Variants in TOP1 observed in about 807,000 individuals in gnomAD.
TOP1 encodes DNA topoisomerase I.
TOP1 carries 10 observed loss-of-function variants against 111.1 expected under a neutral mutation model. The ratio of observed to expected loss-of-function variants is 0.09; its 90% CI spans 0.06 to 0.15. The LOEUF (loss-of-function observed/expected upper bound fraction) is 0.15. TOP1 is among the 10% of genes least tolerant of loss of function. TOP1 has a pLI of 1.00. For synonymous variants in TOP1, 271 were observed against 302.9 expected (o/e 0.89, Z 1.10); for missense variants, 474 against 926.7 (o/e 0.51, Z 6.34).
intron 13 of TOP1, among the ~76,000 whole-genome samples, chr20:41,108,254 C>G (rs968134977): frequency 6.6e-6 from 1 of 152,164 alleles, no homozygotes; most frequent in Non-Finnish European, 1.5e-5. Flanking sequence ...ATTTTACTTA[C>G]TTAATTCCCT....
At position 41,115,326 on chromosome 20, in the gene TOP1, G is replaced by A; in HGVS notation, c.1639-45G>A. On this transcript the variant is annotated intron_variant, in intron 15 of 20. Transcript: ENST00000361337. The surrounding 1 kb of genome is among the most constrained non-coding windows in gnomAD (Gnocchi z 6.3). The stretch of plus-strand genomic sequence containing the variant: ...AGTTTGGGGTTATTTCTAAAGTTAG[G>A]ATTTTTTTCAAGAGTAATAATTAGG... 2 of 1,416,436 alleles carry A rather than the reference G, an allele frequency of 1.4e-6. No individual in the cohort carries two copies. Among genetic ancestry groups the A allele is most frequent in the Non-Finnish European group, 2.0e-6 (2 of 1,007,566 alleles). The allele number at this position is 1,416,436 out of a possible 1,614,324, so 87.7% of individuals were successfully genotyped here.
chr20:41,101,537 A>G lies in TOP1; in HGVS notation c.1308+184A>G, dbSNP rs186106948. Among the ~76,000 whole-genome samples, 53 of 152,354 alleles carry G rather than the reference A, an allele frequency of 3.5e-4. No individual in the cohort carries two copies. The highest frequency in any genetic ancestry group is 4.4e-5 in the Non-Finnish European group (3 of 68,036). On this transcript the variant is annotated intron_variant, in intron 13 of 20. Coordinates refer to ENST00000361337, the MANE Select transcript of TOP1 (RefSeq NM_003286.4). This position sits in a 1 kb window ranked among gnomAD's most constrained non-coding sequence, Gnocchi z 4.1. ...CTACAGTGCCTCCATTTTTTTGGTC[A>G]CATTGTAATCTTATTTATTAATTCA... is the stretch of plus-strand genomic sequence containing the variant.
intron 8 of TOP1, among the ~76,000 whole-genome samples, chr20:41,091,889 C>T (rs1370846801): frequency 2.0e-5 from 3 of 152,034 alleles, no homozygotes; most frequent in African/African-American, 7.2e-5. Flanking sequence ...TATGTTCGAC[C>T]ATTTTAAAAA....
Position 41,092,108 on chromosome 20 carries a change from TACAA to T in TOP1, c.615-359_615-356del, listed in dbSNP as rs1322264648. Among the ~76,000 whole-genome samples the T allele has an allele frequency of 3.3e-5, 5 of 152,300 alleles. No individual in the cohort carries two copies. The highest frequency in any genetic ancestry group is 2.1e-4 in the South Asian group (1 of 4,832). Reference sequence around the variant, plus strand: ...CACCACTCTGAGGAGGCCTTTTCCTTACAAACAATGTAAACAATCCCTCTGTCAT... The same window carrying T: ...CACCACTCTGAGGAGGCCTTTTCCTTACAATGTAAACAATCCCTCTGTCAT... On this transcript the variant is annotated intron_variant, in intron 8 of 20. Coordinates refer to ENST00000361337, the MANE Select transcript of TOP1 (RefSeq NM_003286.4). The surrounding 1 kb of genome is among the most constrained non-coding windows in gnomAD (Gnocchi z 4.3).
At chr20:41,075,480 C>G (rs2033716307) in intron 3 of TOP1, among the ~76,000 whole-genome samples, 1 of 152,198 alleles carries the variant, frequency 6.6e-6, no homozygotes, top group Non-Finnish European at 1.5e-5. Flanking sequence ...CCAAAATAAA[C>G]ATCTTTATAT....
At chr20:41,073,234 A>C (rs1056737421) in intron 3 of TOP1, 1 of 985,258 alleles carries the variant, frequency 1.0e-6, no homozygotes, top group African/African-American at 1.7e-5. Context: ...CCAGTTTTCT[A>C]GTGAAAATGG....
At position 41,094,837 on chromosome 20, in the gene TOP1, G is replaced by T. The variant is rs780927211; in HGVS notation, c.730+2250G>T. Among the ~76,000 whole-genome samples the T allele has an allele frequency of 3.9e-5, 6 of 151,922 alleles. No individual in the cohort carries two copies. Among genetic ancestry groups the T allele is most frequent in the African/African-American group, 9.7e-5 (4 of 41,380 alleles). On this transcript the variant is annotated intron_variant, in intron 9 of 20. Coordinates refer to ENST00000361337, the MANE Select transcript of TOP1 (RefSeq NM_003286.4). The surrounding 1 kb of genome is among the most constrained non-coding windows in gnomAD (Gnocchi z 4.4). ...CTGAGGACCTTCAGTTTACAGCTTT[G>T]ATTCAGCAGTTTCCTTTTCCTGGAG...
At chr20:41,057,568 A>C (rs1478025015) in intron 2 of TOP1, among the ~76,000 whole-genome samples, 2 of 152,206 alleles carry the variant, frequency 1.3e-5, no homozygotes, top group Non-Finnish European at 2.9e-5. Context: ...ATTTTTTACT[A>C]TAAAAGTAAT....
Position 41,115,919 on chromosome 20 carries a change from C to T in TOP1, c.1708-359C>T, listed in dbSNP as rs1478656386. Among the ~76,000 whole-genome samples, 1 of 152,088 alleles carries T rather than the reference C, an allele frequency of 6.6e-6. No individual in the cohort carries two copies. The highest frequency in any genetic ancestry group is 2.4e-5 in the African/African-American group (1 of 41,398). ...TTTGAGACCAGCCTGGGCAACATGG[C>T]AAAACCATTATCCAGGTGTGGTAGT... On this transcript the variant is annotated intron_variant, in intron 16 of 20. Coordinates refer to ENST00000361337, the MANE Select transcript of TOP1 (RefSeq NM_003286.4). This position sits in a 1 kb window ranked among gnomAD's most constrained non-coding sequence, Gnocchi z 6.3.
In TOP1 at chr20:41,115,568, ACT is replaced by A. The variant is rs2034315900; in HGVS notation, c.1707+136_1707+137del. ...TGGCCTGCTCTGTGGCATCCCATAC[ACT>A]CTCTCTTCCTCCCTCTGAGTCCACG... On this transcript the variant is annotated intron_variant, in intron 16 of 20. Transcript: ENST00000361337. This position sits in a 1 kb window ranked among gnomAD's most constrained non-coding sequence, Gnocchi z 6.3. 3.1e-6 allele frequency: 2 copies of A among 649,028 alleles called. No homozygotes were observed. The highest frequency in any genetic ancestry group is 1.8e-5 in the South Asian group (1 of 56,382). 40.2% of individuals were successfully genotyped at this position (649,028 alleles called of 1,614,324 possible).
intron 3 of TOP1, chr20:41,073,536 T>C: frequency 1.1e-6 from 1 of 929,032 alleles, no homozygotes; most frequent in African/African-American, 1.8e-5. Flanking sequence ...ACCATGGCTG[T>C]TTCTTAACAC....
intron 8 of TOP1, among the ~76,000 whole-genome samples, chr20:41,087,593 T>C (rs188779804): frequency 1.3e-5 from 2 of 152,356 alleles, no homozygotes; most frequent in East Asian, 1.9e-4. Flanking sequence ...ATGATAGTGG[T>C]AAGAAATTTA....
chr20:41,040,620 T>A (rs2033250610), intron 2 of TOP1, among the ~76,000 whole-genome samples: 1 of 151,918 alleles, frequency 6.6e-6, no homozygotes, highest in Admixed American at 6.5e-5. Flanking sequence ...AATTTGATTT[T>A]TAAAAAAAAC....
chr20:41,052,280 G>A (rs2033415293), intron 2 of TOP1, among the ~76,000 whole-genome samples: 3 of 152,194 alleles, frequency 2.0e-5, no homozygotes, highest in Non-Finnish European at 4.4e-5. Context: ...GGGGACCTCT[G>A]TGCTGCTCTG....
rs774442393 is a variant in TOP1 at position 41,081,211 on chromosome 20, GAGA to G, written c.483_485del (p.Lys162del). ...AATTAAAACAGAAGATACCAAGAAG[GAGA>G]AGAAAAGAAAACTAGAAGAAGAAGA... is the stretch of plus-strand genomic sequence containing the variant. On this transcript the variant is annotated inframe_deletion, in exon 7 of 21. Transcript: ENST00000361337. 1 of 1,603,348 alleles carries G rather than the reference GAGA, an allele frequency of 6.2e-7. No homozygotes were observed. Among genetic ancestry groups the G allele is most frequent in the Non-Finnish European group, 8.5e-7 (1 of 1,172,574 alleles).
chr20:41,075,664 T>TAAC (rs752209382), intron 3 of TOP1, among the ~76,000 whole-genome samples: 2 of 152,204 alleles, frequency 1.3e-5, no homozygotes, highest in Non-Finnish European at 2.9e-5. Flanking sequence ...AGGAAAGGGC[T>TAAC]AACGTAAGTC....
intron 17 of TOP1, among the ~76,000 whole-genome samples, chr20:41,117,720 C>T (rs1432393967): frequency 6.6e-6 from 1 of 151,962 alleles, no homozygotes; most frequent in East Asian, 1.9e-4. Context: ...TTCAATTCCT[C>T]GTTCTGTTCT....
Position 41,092,081 on chromosome 20 carries a change from G to A in TOP1, c.615-391G>A, listed in dbSNP as rs558328520. ...TTTTCTCCTCTACCTTCCATCTGACGTCACCACTCTGAGGAGGCCTTTTCC... is the reference window on the plus strand; with the variant it reads ...TTTTCTCCTCTACCTTCCATCTGACATCACCACTCTGAGGAGGCCTTTTCC... On this transcript the variant is annotated intron_variant, in intron 8 of 20. Transcript: ENST00000361337. This position sits in a 1 kb window ranked among gnomAD's most constrained non-coding sequence, Gnocchi z 4.3. 6.6e-6 allele frequency among the ~76,000 whole-genome samples: 1 copy of A among 152,050 alleles called. No homozygotes were observed. Among genetic ancestry groups the A allele is most frequent in the East Asian group, 1.9e-4 (1 of 5,176 alleles).
In TOP1 at chr20:41,103,806, C is replaced by T. The variant is rs142045234; in HGVS notation, c.1308+2453C>T. ...TTTCTCTATTAGAAACACCCATTCT[C>T]CTATTCTTTCCAGGGATACAATCCT... On this transcript the variant is annotated intron_variant, in intron 13 of 20. Coordinates refer to ENST00000361337, the MANE Select transcript of TOP1 (RefSeq NM_003286.4). 2.6e-5 allele frequency among the ~76,000 whole-genome samples: 4 copies of T among 152,122 alleles called. No individual in the cohort carries two copies. The East Asian group carries it at 7.8e-4, about 29-fold the overall frequency.
Sources: gnomAD v4.1 joint callset for allele counts (sites outside exome capture counted in the v4.1 genomes callset) on GRCh38, gnomAD v4.1.1 for gene constraint, Gnocchi (gnomAD v3.1) non-coding constraint, MANE v1.5 for transcripts, NCBI Gene and HGNC (gene_info 2026-07-23, HGNC 2026-07-21) for gene names.